The following ADAMTS20 variants were observed in gnomAD, a reference collection of about 807,000 sequenced individuals.
ADAMTS20 encodes the protein A disintegrin and metalloproteinase with thrombospondin motifs 20.
ADAMTS20 carries 225 observed loss-of-function variants against 260.1 expected under a neutral mutation model. The ratio of observed to expected loss-of-function variants is 0.87; its 90% CI spans 0.78 to 0.97. The LOEUF (loss-of-function observed/expected upper bound fraction) is 0.97. Among genes scored for constraint, ADAMTS20 ranks in the 50% least tolerant of loss-of-function variants. The probability of loss-of-function intolerance (pLI) is 0.00; values close to 1 mark genes in which losing one functional copy is unlikely to be tolerated. For missense variants in ADAMTS20, 2,400 were observed against 2,337.7 expected, an observed-to-expected ratio of 1.03 and a Z score of -0.55; for synonymous variants, 802 against 769.5, an observed-to-expected ratio of 1.04 and a Z score of -0.70.
chr12:43,531,414 T>C (rs998185183), intron 3 of ADAMTS20, among the ~76,000 whole-genome samples: 1 of 152,098 alleles, frequency 6.6e-6, no homozygotes, highest in African/African-American at 2.4e-5. Flanking sequence ...ACCAATCTCA[T>C]ATACTGAAAA....
intron 28 of ADAMTS20, among the ~76,000 whole-genome samples, chr12:43,405,020 A>G (rs1940885118): frequency 6.6e-6 from 1 of 151,950 alleles, no homozygotes; most frequent in South Asian, 2.1e-4. Flanking sequence ...GTCAATCAGT[A>G]AGAACTAGAA....
chr12:43,443,766 G>C, intron 16 of ADAMTS20, 25 bp downstream of exon 16: 2 of 1,573,936 alleles, frequency 1.3e-6, no homozygotes, highest in Non-Finnish European at 8.7e-7. Context: ...CCACATACTG[G>C]CTGTTGTTTA....
intron 29 of ADAMTS20, among the ~76,000 whole-genome samples, chr12:43,385,881 G>A (rs1940461587): frequency 6.6e-6 from 1 of 152,092 alleles, no homozygotes; most frequent in African/African-American, 2.4e-5. Flanking sequence ...GTTTAGTCTT[G>A]GGAGGGTTTA....
chr12:43,357,089 T>C (rs908451847), intron 37 of ADAMTS20, among the ~76,000 whole-genome samples: 1 of 152,202 alleles, frequency 6.6e-6, no homozygotes. Context: ...ATGAGCTTCA[T>C]GATCTAATTC....
intron 28 of ADAMTS20, among the ~76,000 whole-genome samples, chr12:43,413,801 CTTGA>C (rs1270731642): frequency 3.9e-5 from 6 of 152,068 alleles, no homozygotes; most frequent in East Asian, 1.9e-4. Flanking sequence ...AATAATGAAA[CTTGA>C]TTGATTGAGA....
At chr12:43,500,248 C>A (rs935403161) in intron 4 of ADAMTS20, among the ~76,000 whole-genome samples, 1 of 152,080 alleles carries the variant, frequency 6.6e-6, no homozygotes, top group African/African-American at 2.4e-5. Context: ...AGACTGGTCT[C>A]GAACTCCTGA....
At chr12:43,503,657 C>T (rs1287800833) in intron 3 of ADAMTS20, among the ~76,000 whole-genome samples, 3 of 151,938 alleles carry the variant, frequency 2.0e-5, no homozygotes, top group South Asian at 2.1e-4. Flanking sequence ...CAGATTATTT[C>T]GTTACCCAGG....
At chr12:43,489,489 A>G (rs999376461) in intron 7 of ADAMTS20, among the ~76,000 whole-genome samples, 2 of 152,012 alleles carry the variant, frequency 1.3e-5, no homozygotes, top group African/African-American at 4.8e-5. Flanking sequence ...ATACAAATAT[A>G]TGAAAAGATG....
intron 29 of ADAMTS20, among the ~76,000 whole-genome samples, chr12:43,397,410 TGAATGTAA>T (rs1940725992): frequency 6.6e-6 from 1 of 152,164 alleles, no homozygotes; most frequent in Admixed American, 6.5e-5. Flanking sequence ...TCACACTATG[TGAATGTAA>T]ATAATGGCCA....
At position 43,356,594 on chromosome 12, in the gene ADAMTS20, T is replaced by A. The variant is rs1367811213; in HGVS notation, c.5539-6A>T. Reference sequence around the variant, plus strand: ...AAATTAATGCTAAACTGTCCCTGGATTGTAAATAAAACAAAGAAAAATAGA... The same window carrying A: ...AAATTAATGCTAAACTGTCCCTGGAATGTAAATAAAACAAAGAAAAATAGA... On this transcript the variant is annotated splice_polypyrimidine_tract_variant and splice_region_variant and intron_variant, in intron 37 of 38. Transcript: ENST00000389420. The A allele has an allele frequency of 1.3e-6, 2 of 1,597,762 alleles. No homozygotes were observed. Among genetic ancestry groups the A allele is most frequent in the Non-Finnish European group, 1.7e-6 (2 of 1,170,230 alleles).
intron 38 of ADAMTS20, among the ~76,000 whole-genome samples, chr12:43,354,780 C>T (rs909007823): frequency 2.0e-5 from 3 of 151,848 alleles, no homozygotes; most frequent in South Asian, 2.1e-4. Flanking sequence ...CTCGTGGAGG[C>T]GTTAGAAACA....
At chr12:43,510,313 T>A (rs1025845872) in intron 3 of ADAMTS20, among the ~76,000 whole-genome samples, 1 of 152,000 alleles carries the variant, frequency 6.6e-6, no homozygotes, top group Non-Finnish European at 1.5e-5. Flanking sequence ...AACTATTACA[T>A]GCTTTCTTTA....
At chr12:43,525,150 A>G (rs1366440612) in intron 3 of ADAMTS20, among the ~76,000 whole-genome samples, 1 of 152,232 alleles carries the variant, frequency 6.6e-6, no homozygotes, top group African/African-American at 2.4e-5. Flanking sequence ...GGGAACCTAT[A>G]AAGGAAATCC....
At chr12:43,534,378 T>C (rs981251817) in intron 2 of ADAMTS20, among the ~76,000 whole-genome samples, 4 of 152,210 alleles carry the variant, frequency 2.6e-5, no homozygotes, top group Non-Finnish European at 5.9e-5. Context: ...GTTGAAAATA[T>C]GTCAGTACAA....
At position 43,403,693 on chromosome 12, in the gene ADAMTS20, C is replaced by A. The variant is rs79900457; in HGVS notation, c.4285-4460G>T. Among the ~76,000 whole-genome samples the A allele has an allele frequency of 9.2e-3, 1,392 of 151,840 alleles. 20 individuals are homozygous for A. The highest frequency in any genetic ancestry group is 0.032 in the African/African-American group (1,312 of 41,410). On this transcript the variant is annotated intron_variant, in intron 28 of 38. Coordinates refer to ENST00000389420, the MANE Select transcript of ADAMTS20 (RefSeq NM_025003.5). ...TCTAAAGACATCTGTAATGCTATAG[C>A]AAAATGCAAAGTAAAATAAAATCAA...
intron 11 of ADAMTS20, among the ~76,000 whole-genome samples, chr12:43,459,510 C>T: frequency 6.6e-6 from 1 of 152,224 alleles, no homozygotes; most frequent in Non-Finnish European, 1.5e-5. Context: ...AGTGGCCTGC[C>T]ACCATTTTGG....
At chr12:43,438,057 T>TA (rs1230119557) in intron 18 of ADAMTS20, among the ~76,000 whole-genome samples, 3 of 151,582 alleles carry the variant, frequency 2.0e-5, no homozygotes, top group East Asian at 1.9e-4. Flanking sequence ...TTAGAGAAAC[T>TA]AAAAAAAATA....
chr12:43,363,534 T>C (rs578012465), intron 37 of ADAMTS20, among the ~76,000 whole-genome samples: 2 of 152,316 alleles, frequency 1.3e-5, no homozygotes, highest in South Asian at 4.1e-4. Flanking sequence ...GGGGTGTTAC[T>C]CTGAGGAATG....
chr12:43,486,325 G>T (rs913118604), intron 7 of ADAMTS20, among the ~76,000 whole-genome samples: 1 of 151,982 alleles, frequency 6.6e-6, no homozygotes, highest in Non-Finnish European at 1.5e-5. Flanking sequence ...TATAAATTGG[G>T]GAAAGAATAC....
Sources: gnomAD v4.1 joint callset for allele counts (sites outside exome capture counted in the v4.1 genomes callset) on GRCh38, gnomAD v4.1.1 for gene constraint, MANE v1.5 for transcripts, NCBI Gene and HGNC (gene_info 2026-07-23, HGNC 2026-07-21) for gene names.